Variants in HS3ST5 observed in about 807,000 individuals in gnomAD.
HS3ST5 encodes heparan sulfate glucosamine 3-O-sulfotransferase 5.
A neutral mutation model predicts 25.4 loss-of-function variants in HS3ST5; 10 were observed. The observed-to-expected ratio is 0.39, with a 90% CI of 0.24 to 0.67. The LOEUF is 0.67. Among genes scored for constraint, HS3ST5 ranks in the 30% least tolerant of loss-of-function variants. HS3ST5 has a pLI of 0.44. For synonymous variants in HS3ST5, 170 were observed against 162.4 expected (o/e 1.05, Z -0.36); for missense variants, 324 against 420.7 (o/e 0.77, Z 2.01).
At chr6:114,119,918 G>C (rs1776700965) in intron 3 of HS3ST5, among the ~76,000 whole-genome samples, 1 of 152,134 alleles carries the variant, frequency 6.6e-6, no homozygotes, top group Non-Finnish European at 1.5e-5. Context: ...AGGCCAAGGT[G>C]GGTGGATCTC....
intron 2 of HS3ST5, among the ~76,000 whole-genome samples, chr6:114,222,369 A>T (rs1357813357): frequency 6.6e-6 from 1 of 151,908 alleles, no homozygotes; most frequent in Non-Finnish European, 1.5e-5. Context: ...AGAACAGCCT[A>T]CCACAAAGTA....
intron 3 of HS3ST5, among the ~76,000 whole-genome samples, chr6:114,070,389 T>C (rs1447894451): frequency 6.6e-6 from 1 of 152,102 alleles, no homozygotes; most frequent in Non-Finnish European, 1.5e-5. Flanking sequence ...TAAGTAATGA[T>C]AGTAGCAATT....
intron 3 of HS3ST5, among the ~76,000 whole-genome samples, chr6:114,121,059 C>G (rs951830644): frequency 6.6e-6 from 1 of 152,042 alleles, no homozygotes; most frequent in African/African-American, 2.4e-5. Context: ...GAGCATTGAG[C>G]CAAATATTAA....
intron 1 of HS3ST5, among the ~76,000 whole-genome samples, chr6:114,266,883 A>C (rs984461274): frequency 3.3e-5 from 5 of 152,188 alleles, no homozygotes; most frequent in African/African-American, 1.2e-4. Flanking sequence ...TTTGGGGGAA[A>C]ATTCAGTTTC....
intron 2 of HS3ST5, among the ~76,000 whole-genome samples, chr6:114,213,046 A>G (rs1039607611): frequency 1.3e-5 from 2 of 152,250 alleles, no homozygotes; most frequent in East Asian, 1.9e-4. Flanking sequence ...TGAATTGAAG[A>G]TGGTAAATGC....
At chr6:114,165,246 A>G (rs1224881384) in intron 3 of HS3ST5, among the ~76,000 whole-genome samples, 1 of 152,154 alleles carries the variant, frequency 6.6e-6, no homozygotes, top group Non-Finnish European at 1.5e-5. Flanking sequence ...TTATACCTAC[A>G]TTTTAAAACA....
At chr6:114,336,075 C>G (rs543776834) in intron 1 of HS3ST5, among the ~76,000 whole-genome samples, 3 of 152,146 alleles carry the variant, frequency 2.0e-5, no homozygotes. Flanking sequence ...AGTAAGAGAA[C>G]CCATGTTTTA....
intron 2 of HS3ST5, among the ~76,000 whole-genome samples, chr6:114,194,390 A>G (rs900472777): frequency 2.6e-5 from 4 of 152,196 alleles, no homozygotes; most frequent in African/African-American, 9.6e-5. Context: ...GTTCCTGGCC[A>G]TGACAGGATG....
chr6:114,252,394 G>A (rs1772704301), intron 1 of HS3ST5, among the ~76,000 whole-genome samples: 2 of 152,188 alleles, frequency 1.3e-5, no homozygotes, highest in East Asian at 1.9e-4. Context: ...CAAAAGAGAA[G>A]CTATACATTG....
intron 1 of HS3ST5, among the ~76,000 whole-genome samples, chr6:114,307,286 C>T (rs1189576304): frequency 6.6e-6 from 1 of 151,914 alleles, no homozygotes; most frequent in African/African-American, 2.4e-5. Context: ...ATATAAAAGG[C>T]ATTTCTCTGT....
chr6:114,216,477 G>A (rs1374384621), intron 2 of HS3ST5, among the ~76,000 whole-genome samples: 4 of 152,182 alleles, frequency 2.6e-5, no homozygotes, highest in African/African-American at 9.6e-5. Flanking sequence ...TTTAATCTTT[G>A]CTAAAAGAAC....
intron 2 of HS3ST5, among the ~76,000 whole-genome samples, chr6:114,204,391 G>GA (rs1562236875): frequency 6.6e-6 from 1 of 152,074 alleles, no homozygotes; most frequent in Non-Finnish European, 1.5e-5. Flanking sequence ...CCTTTTCTTT[G>GA]AATGTAGGAC....
At chr6:114,107,597 A>G (rs1776056449) in intron 3 of HS3ST5, among the ~76,000 whole-genome samples, 1 of 152,192 alleles carries the variant, frequency 6.6e-6, no homozygotes, top group African/African-American at 2.4e-5. Flanking sequence ...TTGTTTGCAG[A>G]TGACATGATT....
chr6:114,093,070 T>A (rs932075811), intron 3 of HS3ST5, among the ~76,000 whole-genome samples: 1 of 152,110 alleles, frequency 6.6e-6, no homozygotes, highest in Non-Finnish European at 1.5e-5. Flanking sequence ...ATTAGTGAAG[T>A]CAGGATTGTG....
At chr6:114,089,603 G>C (rs753591083) in intron 3 of HS3ST5, among the ~76,000 whole-genome samples, 16 of 152,210 alleles carry the variant, frequency 1.1e-4, no homozygotes, top group Non-Finnish European at 2.2e-4. Context: ...AAGACTCAAA[G>C]AAGTTAACTT....
chr6:114,201,807 G>A (rs931859744), intron 2 of HS3ST5, among the ~76,000 whole-genome samples: 2 of 152,160 alleles, frequency 1.3e-5, no homozygotes, highest in Admixed American at 1.3e-4. Flanking sequence ...GAGACCTCAG[G>A]AAACTTACAA....
intron 3 of HS3ST5, among the ~76,000 whole-genome samples, chr6:114,131,593 T>C (rs567350026): frequency 6.6e-6 from 1 of 152,360 alleles, no homozygotes; most frequent in East Asian, 1.9e-4. Flanking sequence ...GGGGACAATT[T>C]GAAATTTAAA....
intron 2 of HS3ST5, among the ~76,000 whole-genome samples, chr6:114,188,274 C>T (rs1297700200): frequency 6.6e-6 from 1 of 152,158 alleles, no homozygotes; most frequent in African/African-American, 2.4e-5. Context: ...TGGCCTCCCT[C>T]TACACTAAGC....
chr6:114,161,748 A>G (rs1216747508), intron 3 of HS3ST5, among the ~76,000 whole-genome samples: 1 of 147,926 alleles, frequency 6.8e-6, no homozygotes, highest in African/African-American at 2.5e-5. Context: ...TTGACCTCTC[A>G]CCCTACTTTG....
Sources: gnomAD v4.1 joint callset for allele counts (sites outside exome capture counted in the v4.1 genomes callset) on GRCh38, gnomAD v4.1.1 for gene constraint, MANE v1.5 for transcripts, NCBI Gene and HGNC (gene_info 2026-07-23, HGNC 2026-07-21) for gene names.